NRXN3: variants seen among roughly 807,000 people sequenced by gnomAD.
The protein encoded by NRXN3 is neurexin III.
A neutral mutation model predicts 137.6 loss-of-function variants in NRXN3; 32 were observed. The observed-to-expected ratio is 0.23, with a 90% CI of 0.18 to 0.31. The LOEUF (loss-of-function observed/expected upper bound fraction) is 0.31. Among genes scored for constraint, NRXN3 ranks in the 10% least tolerant of loss-of-function variants. The pLI, the probability that NRXN3 is intolerant of heterozygous loss-of-function variation, is 1.00. For missense variants in NRXN3, 1,574 were observed against 2,062.5 expected (o/e 0.76, Z 4.59); for synonymous variants, 798 against 784.5 (o/e 1.02, Z -0.29).
chr14:79,858,640 A>G (rs986431533), intron 20 of NRXN3, among the ~76,000 whole-genome samples: 5 of 147,472 alleles, frequency 3.4e-5, no homozygotes, highest in African/African-American at 9.9e-5. Context: ...CAGATAAGTT[A>G]AAAAAAAAAA....
At chr14:79,412,195 C>T (rs1274534751) in intron 15 of NRXN3, among the ~76,000 whole-genome samples, 1 of 151,942 alleles carries the variant, frequency 6.6e-6, no homozygotes, top group Non-Finnish European at 1.5e-5. Flanking sequence ...TGCTCCTTGA[C>T]GTTAGAAAAA....
At chr14:79,345,301 T>C (rs1035376216) in intron 15 of NRXN3, among the ~76,000 whole-genome samples, 1 of 152,156 alleles carries the variant, frequency 6.6e-6, no homozygotes, top group Non-Finnish European at 1.5e-5. Context: ...AGATTTATCA[T>C]CACTTTGACA....
At chr14:78,730,132 A>G (rs1461987175) in intron 8 of NRXN3, among the ~76,000 whole-genome samples, 1 of 152,134 alleles carries the variant, frequency 6.6e-6, no homozygotes, top group Non-Finnish European at 1.5e-5. Flanking sequence ...AGTATTAGCT[A>G]TAGAGCGGCA....
At chr14:78,941,448 C>G (rs2099352746) in intron 10 of NRXN3, among the ~76,000 whole-genome samples, 1 of 152,182 alleles carries the variant, frequency 6.6e-6, no homozygotes, top group South Asian at 2.1e-4. Context: ...CCATTCTCAC[C>G]CAGTCTAAGT....
At chr14:78,211,078 G>A (rs1207589763) in intron 1 of NRXN3, among the ~76,000 whole-genome samples, 4 of 152,220 alleles carry the variant, frequency 2.6e-5, no homozygotes, top group African/African-American at 4.8e-5. Context: ...CACATAAAGT[G>A]CTTAGAGTGG....
At chr14:79,012,478 A>G (rs375038115) in intron 15 of NRXN3, among the ~76,000 whole-genome samples, 5 of 152,328 alleles carry the variant, frequency 3.3e-5, no homozygotes, top group African/African-American at 1.2e-4. Context: ...ATAATAATGC[A>G]TATGTGGAAA....
At chr14:79,229,765 T>C (rs2071782402) in intron 15 of NRXN3, among the ~76,000 whole-genome samples, 1 of 152,124 alleles carries the variant, frequency 6.6e-6, no homozygotes, top group South Asian at 2.1e-4. Context: ...TGCGTCTCTG[T>C]CTTTTTCCTC....
intron 4 of NRXN3, among the ~76,000 whole-genome samples, chr14:78,564,270 C>T (rs997067968): frequency 6.6e-6 from 1 of 152,080 alleles, no homozygotes; most frequent in Non-Finnish European, 1.5e-5. Context: ...CTCTTTTGTC[C>T]CCCTCCTCCT....
Position 78,211,894 on chromosome 14 carries a change from T to A in NRXN3, c.-703-30497T>A, listed in dbSNP as rs140574380. Among the ~76,000 whole-genome samples, 106 of 152,344 alleles carry A rather than the reference T, an allele frequency of 7.0e-4. 2 individuals are homozygous for A. The highest frequency in any genetic ancestry group is 2.5e-3 in the African/African-American group (102 of 41,576). On this transcript the variant is annotated intron_variant, in intron 1 of 20. Transcript: ENST00000335750. ...TGGTATAAGTGGTTTTATCTTTCCATAGGGATGGAACTGTAGAACTTCCTC... is the reference window on the plus strand; with the variant it reads ...TGGTATAAGTGGTTTTATCTTTCCAAAGGGATGGAACTGTAGAACTTCCTC...
At chr14:79,279,299 T>C in intron 15 of NRXN3, 1 of 959,216 alleles carries the variant, frequency 1.0e-6, no homozygotes, top group Non-Finnish European at 1.2e-6. Context: ...GGCAGAGCGC[T>C]GGGGCTGCAC....
intron 19 of NRXN3, among the ~76,000 whole-genome samples, chr14:79,722,961 C>A (rs566823043): frequency 6.6e-6 from 1 of 152,188 alleles, no homozygotes; most frequent in Admixed American, 6.5e-5. Context: ...TTAAGAAATG[C>A]ACTTCGTTGT....
chr14:78,821,350 CGA>C (rs139362277), intron 10 of NRXN3, among the ~76,000 whole-genome samples: 1,556 of 152,078 alleles, frequency 0.01, 15 homozygotes, highest in Non-Finnish European at 0.015. Flanking sequence ...AACACAAAAG[CGA>C]GAGAGAGGAA....
chr14:78,894,545 C>T (rs1266660807), intron 10 of NRXN3, among the ~76,000 whole-genome samples: 1 of 151,884 alleles, frequency 6.6e-6, no homozygotes, highest in African/African-American at 2.4e-5. Context: ...TTCAGCCATC[C>T]ATGAAGATTG....
At chr14:79,168,948 T>G (rs893434576) in intron 15 of NRXN3, among the ~76,000 whole-genome samples, 2 of 152,072 alleles carry the variant, frequency 1.3e-5, no homozygotes, top group African/African-American at 4.8e-5. Flanking sequence ...TATGGGCACT[T>G]CTCTGATTCA....
intron 16 of NRXN3, among the ~76,000 whole-genome samples, chr14:79,549,093 C>T (rs767948270): frequency 2.6e-5 from 4 of 152,074 alleles, no homozygotes; most frequent in African/African-American, 4.8e-5. Flanking sequence ...GGAGTGCTCT[C>T]TGAATTCAGT....
intron 14 of NRXN3, among the ~76,000 whole-genome samples, chr14:78,984,845 T>A (rs1474032347): frequency 6.6e-6 from 1 of 152,192 alleles, no homozygotes; most frequent in Non-Finnish European, 1.5e-5. Context: ...GGACATATGG[T>A]AAGAAATGAG....
At chr14:78,903,709 C>G (rs1294953163) in intron 10 of NRXN3, among the ~76,000 whole-genome samples, 1 of 151,994 alleles carries the variant, frequency 6.6e-6, no homozygotes. Flanking sequence ...AGAAGAAACT[C>G]GTGTCATACT....
chr14:79,409,405 T>C (rs1321596347), intron 15 of NRXN3, among the ~76,000 whole-genome samples: 21 of 151,136 alleles, frequency 1.4e-4, no homozygotes. Flanking sequence ...ATACATTATG[T>C]ATATACATAT....
At chr14:78,437,407 G>A (rs2094108832) in intron 4 of NRXN3, among the ~76,000 whole-genome samples, 1 of 151,230 alleles carries the variant, frequency 6.6e-6, no homozygotes, top group South Asian at 2.1e-4. Context: ...GGAGTGCAGT[G>A]GCATGATCTC....
Sources: gnomAD v4.1 joint callset for allele counts (sites outside exome capture counted in the v4.1 genomes callset) on GRCh38, gnomAD v4.1.1 for gene constraint, MANE v1.5 for transcripts, NCBI Gene and HGNC (gene_info 2026-07-23, HGNC 2026-07-21) for gene names.